The following USP7 variants were observed in gnomAD, a reference collection of about 807,000 sequenced individuals.
The protein encoded by USP7 is ubiquitin C-terminal hydrolase 7.
USP7 carries 9 observed loss-of-function variants against 162.9 expected under a neutral mutation model. The observed-to-expected ratio is 0.06, with a 90% CI of 0.03 to 0.10. The LOEUF (loss-of-function observed/expected upper bound fraction) is 0.10. Among genes scored for constraint, USP7 ranks in the 10% least tolerant of loss-of-function variants. The pLI, the probability that USP7 is intolerant of heterozygous loss-of-function variation, is 1.00. For synonymous variants in USP7, 562 were observed against 475.9 expected (o/e 1.18, Z -2.35); for missense variants, 715 against 1,373.7 (o/e 0.52, Z 7.58).
chr16:8,900,206 G>C (rs539017961), intron 21 of USP7: 1 of 324,792 alleles, frequency 3.1e-6, no homozygotes, highest in East Asian at 7.2e-5. Context: ...AGACTGAAAT[G>C]AATTACCCAA....
intron 10 of USP7, 76 bp from the exon 11 acceptor site, chr16:8,910,903 A>C (rs1421361231): frequency 8.2e-7 from 1 of 1,214,290 alleles, no homozygotes; most frequent in Non-Finnish European, 1.2e-6. Flanking sequence ...TAAGTTATTT[A>C]AATCAGCATA....
At chr16:8,922,317 C>A (rs937676420) in intron 3 of USP7, among the ~76,000 whole-genome samples, 2 of 152,156 alleles carry the variant, frequency 1.3e-5, no homozygotes, top group African/African-American at 4.8e-5. Context: ...GGTGAAACCC[C>A]GTCCCTATGA....
rs964060292 is a variant in USP7, at chr16:8,893,671, C to A, written c.*327G>T. 3.6e-6 allele frequency: 1 copy of A among 279,908 alleles called. No individual in the cohort carries two copies. The highest frequency in any genetic ancestry group is 2.2e-5 in the African/African-American group (1 of 46,314). The allele number at this position is 279,908 out of a possible 1,614,324, so 17.3% of individuals were successfully genotyped here. A position where few individuals can be genotyped will look rare whatever the true frequency, so the allele number is the denominator to read the frequency against. ...AAGGCAGCCGAGCCACTCGTGCCCA[C>A]TAGGGACAGCCCAGAGACCTTGAGC... On this transcript the variant is annotated 3_prime_UTR_variant, in exon 31 of 31. Coordinates refer to ENST00000344836, the MANE Select transcript of USP7 (RefSeq NM_003470.3).
At chr16:8,899,379 T>C in intron 22 of USP7, 191 bp from the exon 23 acceptor site, 1 of 755,728 alleles carries the variant, frequency 1.3e-6, no homozygotes. Flanking sequence ...GAAGATAACT[T>C]TGGAAAGGGT....
intron 16 of USP7, 73 bp downstream of exon 16, chr16:8,903,195 A>G: frequency 6.4e-7 from 1 of 1,560,076 alleles, no homozygotes; most frequent in Non-Finnish European, 8.7e-7. Context: ...GGCAATCAGT[A>G]TTTTCTAGTG....
At chr16:8,950,739 C>T (rs1899510193) in intron 1 of USP7, among the ~76,000 whole-genome samples, 1 of 152,240 alleles carries the variant, frequency 6.6e-6, no homozygotes, top group South Asian at 2.1e-4. Flanking sequence ...CGCAGGGCCA[C>T]ATCCCACTGG....
intron 14 of USP7, 71 bp from the exon 15 acceptor site, chr16:8,904,636 G>T: frequency 6.4e-7 from 1 of 1,571,764 alleles, no homozygotes; most frequent in East Asian, 2.3e-5. Context: ...CCGATTCTAG[G>T]TCATCATTAA....
chr16:8,911,316 G>C (rs1202590468), intron 10 of USP7, among the ~76,000 whole-genome samples: 1 of 152,124 alleles, frequency 6.6e-6, no homozygotes, highest in Non-Finnish European at 1.5e-5. Flanking sequence ...TAGATAAATG[G>C]AAAAGGCAAA....
At chr16:8,899,090 G>C (rs905531730) in intron 23 of USP7, 31 bp downstream of exon 23, 19 of 1,610,844 alleles carry the variant, frequency 1.2e-5, no homozygotes, top group Non-Finnish European at 1.6e-5. Flanking sequence ...ATGCAGTCAA[G>C]ACCAAGCAAG....
intron 16 of USP7, 94 bp from the exon 17 acceptor site, chr16:8,902,576 T>C (rs950581190): frequency 2.0e-6 from 2 of 998,256 alleles, no homozygotes; most frequent in Admixed American, 2.6e-5. Flanking sequence ...TATACATATA[T>C]ATATATAGTC....
At chr16:8,920,565 C>T (rs1038946750) in intron 4 of USP7, 118 bp from the exon 5 acceptor site, 1 of 826,728 alleles carries the variant, frequency 1.2e-6, no homozygotes, top group South Asian at 2.0e-5. Flanking sequence ...TTTTTAAATA[C>T]ATCCCAACTT....
chr16:8,947,827 G>T (rs556583470), intron 1 of USP7, among the ~76,000 whole-genome samples: 1 of 152,212 alleles, frequency 6.6e-6, no homozygotes, highest in African/African-American at 2.4e-5. Flanking sequence ...GCCTCAGCTA[G>T]GTGGGCATGC....
rs1898238157 is a variant in USP7 at position 8,930,215 on chromosome 16, G to A, written c.184+78C>T. 5.4e-6 allele frequency: 6 copies of A among 1,115,372 alleles called. No homozygotes were observed. The Admixed American group carries it at 1.3e-4, about 24-fold the overall frequency. The allele number at this position is 1,115,372 out of a possible 1,614,324, so 69.1% of individuals were successfully genotyped here. On this transcript the variant is annotated intron_variant, in intron 2 of 30. Transcript: ENST00000344836. ...CAGAAGTACCCAAGGATGTACCCAA[G>A]AAGTACCAAGCATGGATCTGAACCT...
intron 10 of USP7, 62 bp from the exon 11 acceptor site, chr16:8,910,889 G>C: frequency 7.4e-7 from 1 of 1,346,994 alleles, no homozygotes; most frequent in South Asian, 1.2e-5. Flanking sequence ...AGCCAACACA[G>C]GTGTAAGTTA....
chr16:8,916,398 T>C (rs1458409726), intron 8 of USP7, 104 bp downstream of exon 8: 7 of 1,194,750 alleles, frequency 5.9e-6, no homozygotes, highest in Non-Finnish European at 8.1e-6. Context: ...TAAACAAAGA[T>C]GGGCATTTTC....
chr16:8,947,445 T>C (rs956172812), intron 1 of USP7, among the ~76,000 whole-genome samples: 14 of 151,648 alleles, frequency 9.2e-5, no homozygotes, highest in Non-Finnish European at 7.4e-5. Flanking sequence ...ACCTCCCAGG[T>C]TCAAGCAACT....
chr16:8,950,051 T>C (rs1335282050), intron 1 of USP7, among the ~76,000 whole-genome samples: 3 of 152,234 alleles, frequency 2.0e-5, no homozygotes, highest in Non-Finnish European at 4.4e-5. Context: ...GCTTGAAACA[T>C]GGCTGTTGTG....
At chr16:8,955,875 G>A (rs1899777657) in intron 1 of USP7, among the ~76,000 whole-genome samples, 3 of 152,100 alleles carry the variant, frequency 2.0e-5, no homozygotes, top group Admixed American at 6.6e-5. Flanking sequence ...CACATTCAGA[G>A]GAATGCCACA....
At chr16:8,951,906 T>G (rs1000108743) in intron 1 of USP7, among the ~76,000 whole-genome samples, 6 of 152,184 alleles carry the variant, frequency 3.9e-5, no homozygotes. Context: ...CCACCTGCAG[T>G]GTATCAGTGG....
Sources: allele counts gnomAD v4.1 joint callset (sites outside exome capture counted in the v4.1 genomes callset), GRCh38; gene constraint gnomAD v4.1.1; transcripts MANE v1.5; gene names NCBI Gene and HGNC (gene_info 2026-07-23, HGNC 2026-07-21).